GRIK2: variants seen among roughly 807,000 people sequenced by gnomAD.
GRIK2 encodes glutamate receptor ionotropic, kainate 2.
GRIK2 carries 32 observed loss-of-function variants against 100.3 expected under a neutral mutation model. The ratio of observed to expected loss-of-function variants is 0.32; its 90% confidence interval spans 0.24 to 0.43. The LOEUF is 0.43. Among genes scored for constraint, GRIK2 ranks in the 20% least tolerant of loss-of-function variants. The pLI is 1.00. For missense variants in GRIK2, 843 were observed against 1,114.9 expected (o/e 0.76, Z 3.47); for synonymous variants, 417 against 389.4 (o/e 1.07, Z -0.83).
chr6:101,788,611 T>C (rs1779601580), intron 7 of GRIK2, among the ~76,000 whole-genome samples: 1 of 152,206 alleles, frequency 6.6e-6, no homozygotes, highest in Admixed American at 6.5e-5. Flanking sequence ...GGTCTATCAT[T>C]GTTGGACATT....
intron 2 of GRIK2, among the ~76,000 whole-genome samples, chr6:101,440,647 T>C (rs2128245879): frequency 6.6e-6 from 1 of 152,270 alleles, no homozygotes; most frequent in Admixed American, 6.5e-5. Flanking sequence ...AAACTATACT[T>C]TCTAGTTCTT....
intron 14 of GRIK2, among the ~76,000 whole-genome samples, chr6:101,953,497 A>G (rs1791727313): frequency 6.6e-6 from 1 of 152,140 alleles, no homozygotes; most frequent in Non-Finnish European, 1.5e-5. Flanking sequence ...TTTGATTTGT[A>G]CTTCCCTGAT....
chr6:101,785,979 T>G (rs1375553487), intron 7 of GRIK2, among the ~76,000 whole-genome samples: 1 of 152,128 alleles, frequency 6.6e-6, no homozygotes, highest in Admixed American at 6.5e-5. Context: ...GCCTGTGTCC[T>G]CTTCAATTTC....
chr6:102,006,744 G>A (rs1324253412), intron 14 of GRIK2, among the ~76,000 whole-genome samples: 3 of 151,500 alleles, frequency 2.0e-5, no homozygotes, highest in Admixed American at 6.6e-5. Context: ...TTTTTTCATG[G>A]CATGTTTATG....
chr6:101,456,465 CA>C (rs1200671243), intron 2 of GRIK2, among the ~76,000 whole-genome samples: 4 of 151,858 alleles, frequency 2.6e-5, no homozygotes, highest in African/African-American at 9.7e-5. Context: ...TCCTGAAAAT[CA>C]AATTCTGAAA....
intron 5 of GRIK2, among the ~76,000 whole-genome samples, chr6:101,677,995 A>G (rs1562303945): frequency 6.6e-6 from 1 of 152,148 alleles, no homozygotes; most frequent in African/African-American, 2.4e-5. Context: ...AAAACAACGC[A>G]CTAAGATTAC....
intron 7 of GRIK2, among the ~76,000 whole-genome samples, chr6:101,702,259 T>C (rs962607717): frequency 6.6e-6 from 1 of 151,932 alleles, no homozygotes; most frequent in African/African-American, 2.4e-5. Context: ...AAGTTGAAAA[T>C]CATGGATAAT....
chr6:101,531,877 A>G (rs1287630710), intron 2 of GRIK2, among the ~76,000 whole-genome samples: 1 of 151,620 alleles, frequency 6.6e-6, no homozygotes, highest in African/African-American at 2.4e-5. Flanking sequence ...TGCCCCCATG[A>G]TCTCCTACTG....
Position 101,621,989 on chromosome 6 carries a change from T to G in GRIK2, c.156T>G (p.Ala52=), listed in dbSNP as rs1780186898. ...FEYVESGPMG[A]EELAFRFAVN... is the part of the protein sequence containing the mutation. ...ATGTGGAATCTGGCCCAATGGGAGC[T>G]GAGGAACTTGCATTCAGATTTGCTG... Residue 52 remains alanine (A), a synonymous_variant, in exon 3 of 17, where the codon GCT becomes GCG. Transcript: ENST00000369134. 1 of 1,610,356 alleles carries G rather than the reference T, an allele frequency of 6.2e-7. No individual in the cohort carries two copies. Among genetic ancestry groups the G allele is most frequent in the Admixed American group, 1.7e-5 (1 of 59,980 alleles).
intron 2 of GRIK2, among the ~76,000 whole-genome samples, chr6:101,404,714 T>A (rs1775506283): frequency 6.6e-6 from 1 of 152,232 alleles, no homozygotes; most frequent in Non-Finnish European, 1.5e-5. Context: ...TTGATTGTTT[T>A]TCATTTGGGT....
rs144321991 is a variant in GRIK2, at chr6:101,530,134, C to A, written c.116-91815C>A. Among the ~76,000 whole-genome samples, 602 of 152,040 alleles carry A rather than the reference C, an allele frequency of 4.0e-3. 2 individuals are homozygous for A. The highest frequency in any genetic ancestry group is 6.2e-3 in the Non-Finnish European group (420 of 67,928). On this transcript the variant is annotated intron_variant, in intron 2 of 16. Coordinates refer to ENST00000369134, the MANE Select transcript of GRIK2 (RefSeq NM_021956.5). ...AATATGTGGAAGTAAAATGATGATT[C>A]AAATAACATTTTTTAAACCTGGATA...
intron 14 of GRIK2, among the ~76,000 whole-genome samples, chr6:101,991,137 A>G (rs1386381364): frequency 6.6e-6 from 1 of 151,896 alleles, no homozygotes; most frequent in African/African-American, 2.4e-5. Flanking sequence ...ATGTGATACT[A>G]TCATCCCAGT....
At chr6:101,807,826 G>T (rs1781100225) in intron 9 of GRIK2, among the ~76,000 whole-genome samples, 1 of 151,966 alleles carries the variant, frequency 6.6e-6, no homozygotes, top group South Asian at 2.1e-4. Context: ...GAGCTTCTGG[G>T]TCATAGTTTG....
At chr6:101,519,491 A>C (rs1774764821) in intron 2 of GRIK2, among the ~76,000 whole-genome samples, 1 of 152,072 alleles carries the variant, frequency 6.6e-6, no homozygotes, top group Non-Finnish European at 1.5e-5. Context: ...GTGTTCCTTG[A>C]GTCACACTGC....
chr6:101,526,615 A>G (rs1775168403), intron 2 of GRIK2, among the ~76,000 whole-genome samples: 1 of 152,108 alleles, frequency 6.6e-6, no homozygotes, highest in African/African-American at 2.4e-5. Context: ...TTTCCTCTAA[A>G]TGGGTGATGC....
In GRIK2 at chr6:101,643,194, TTG is replaced by T. The variant is rs147501810; in HGVS notation, c.541+16561_541+16562del. Among the ~76,000 whole-genome samples the T allele has an allele frequency of 6.1e-3, 925 of 151,760 alleles. 13 individuals carry two copies. The highest frequency in any genetic ancestry group is 0.021 in the African/African-American group (888 of 41,528). Reference sequence around the variant, plus strand: ...ATGGGTTGCTTTTTCACGTTGTTGGTTGTGTCCTTTGATGCAAATTTTTAAAT... The same window carrying T: ...ATGGGTTGCTTTTTCACGTTGTTGGTTGTCCTTTGATGCAAATTTTTAAAT... On this transcript the variant is annotated intron_variant, in intron 4 of 16. Coordinates refer to ENST00000369134, the MANE Select transcript of GRIK2 (RefSeq NM_021956.5).
intron 9 of GRIK2, among the ~76,000 whole-genome samples, chr6:101,816,708 AAATT>A (rs1317397816): frequency 7.9e-5 from 12 of 152,024 alleles, no homozygotes; most frequent in African/African-American, 2.9e-4. Context: ...ATAAATAAAT[AAATT>A]AATTAATTTT....
chr6:101,697,877 A>C (rs893598234), intron 7 of GRIK2, among the ~76,000 whole-genome samples: 2 of 152,080 alleles, frequency 1.3e-5, no homozygotes. Context: ...CCACTTGAAG[A>C]CAGTGTCTGG....
intron 14 of GRIK2, among the ~76,000 whole-genome samples, chr6:101,989,687 C>T (rs1226750876): frequency 2.0e-5 from 3 of 151,502 alleles, no homozygotes; most frequent in African/African-American, 7.3e-5. Flanking sequence ...AATGCTTCAC[C>T]TGAGCCTTGG....
Sources: gnomAD v4.1 joint callset for allele counts (sites outside exome capture counted in the v4.1 genomes callset) on GRCh38, gnomAD v4.1.1 for gene constraint, MANE v1.5 for transcripts, NCBI Gene and HGNC (gene_info 2026-07-23, HGNC 2026-07-21) for gene names.